The following ARHGEF7 variants were observed in gnomAD, a reference collection of about 807,000 sequenced individuals.
ARHGEF7 encodes PAK-interacting exchange factor beta.
Under a neutral mutation model 109.8 loss-of-function variants are expected in ARHGEF7, and 33 were observed. The observed-to-expected ratio is 0.30, with a 90% CI of 0.23 to 0.40. The LOEUF is 0.40. Ranked by LOEUF, ARHGEF7 falls within the 10% of genes least tolerant of loss-of-function variation. ARHGEF7 has a pLI of 1.00. For missense variants in ARHGEF7, 938 were observed against 1,098.5 expected, an observed-to-expected ratio of 0.85 and a Z score of 2.07; for synonymous variants, 458 against 424.6, an observed-to-expected ratio of 1.08 and a Z score of -0.97.
At chr13:111,193,584 A>G (rs1015073466) in intron 2 of ARHGEF7, among the ~76,000 whole-genome samples, 1 of 152,252 alleles carries the variant, frequency 6.6e-6, no homozygotes, top group Non-Finnish European at 1.5e-5. Context: ...CGTACTTGCT[A>G]TCTGTATACA....
intron 5 of ARHGEF7, among the ~76,000 whole-genome samples, chr13:111,221,376 T>G (rs1285628167): frequency 5.1e-5 from 2 of 39,298 alleles, no homozygotes; most frequent in African/African-American, 8.1e-5. Context: ...TATATATATA[T>G]CTATATATAT....
At position 111,272,571 on chromosome 13, in the gene ARHGEF7, G is replaced by C. The variant is rs961331374; in HGVS notation, c.1074-1243G>C. 3.3e-5 allele frequency among the ~76,000 whole-genome samples: 5 copies of C among 152,208 alleles called. No homozygotes were observed. The highest frequency in any genetic ancestry group is 1.2e-4 in the African/African-American group (5 of 41,462). ...AATTTGTTCCTAGGATTTGTGCCAT[G>C]GGTATCATTTGAACCAAGCTCTGCT... On this transcript the variant is annotated intron_variant, in intron 9 of 21. Transcript: ENST00000646102. This position sits in a 1 kb window ranked among gnomAD's most constrained non-coding sequence, Gnocchi z 5.2.
chr13:111,178,501 T>C (rs2078389783), intron 2 of ARHGEF7, among the ~76,000 whole-genome samples: 1 of 152,198 alleles, frequency 6.6e-6, no homozygotes, highest in Non-Finnish European at 1.5e-5. Context: ...CTCTTGCCCT[T>C]TAGGGAAGGT....
intron 5 of ARHGEF7, among the ~76,000 whole-genome samples, chr13:111,227,977 A>G (rs186917721): frequency 3.5e-4 from 54 of 152,338 alleles, no homozygotes; most frequent in Non-Finnish European, 5.1e-4. Flanking sequence ...CCCAGCATCC[A>G]TTCCCCAAAT....
intron 1 of ARHGEF7, among the ~76,000 whole-genome samples, chr13:111,130,487 T>G: frequency 6.6e-6 from 1 of 152,244 alleles, no homozygotes. Context: ...TATAGAATTT[T>G]AATGTGCAAT....
At chr13:111,173,842 G>A (rs1445148366) in intron 2 of ARHGEF7, among the ~76,000 whole-genome samples, 1 of 152,186 alleles carries the variant, frequency 6.6e-6, no homozygotes, top group Non-Finnish European at 1.5e-5. Flanking sequence ...AGGTGCGGGT[G>A]TCTGTAGAGG....
At chr13:111,129,851 T>C (rs1415268759) in intron 1 of ARHGEF7, among the ~76,000 whole-genome samples, 1 of 152,216 alleles carries the variant, frequency 6.6e-6, no homozygotes, top group Admixed American at 6.5e-5. Context: ...ATCTACCAAA[T>C]GTTTCAGCTA....
intron 19 of ARHGEF7, 107 bp from the exon 20 acceptor site, chr13:111,300,641 A>G: frequency 1.3e-6 from 1 of 752,398 alleles, no homozygotes. Flanking sequence ...TTAAATGCAT[A>G]ATTGCTAGAA....
At chr13:111,251,167 A>T (rs1473518728) in intron 8 of ARHGEF7, among the ~76,000 whole-genome samples, 1 of 152,096 alleles carries the variant, frequency 6.6e-6, no homozygotes, top group African/African-American at 2.4e-5. Context: ...GTTAGCATAG[A>T]CTCGGGTATG....
chr13:111,288,155 A>G (rs563716365), intron 17 of ARHGEF7, among the ~76,000 whole-genome samples, 199 bp from the exon 18 acceptor site: 1 of 152,250 alleles, frequency 6.6e-6, no homozygotes, highest in East Asian at 1.9e-4. Context: ...TGTTGCAAAT[A>G]TTTTTATTTG....
chr13:111,164,252 C>T (rs1171754275), intron 2 of ARHGEF7, among the ~76,000 whole-genome samples: 1 of 152,206 alleles, frequency 6.6e-6, no homozygotes, highest in Non-Finnish European at 1.5e-5. Context: ...TCAGAAGTCA[C>T]AGGTCCCGGC....
rs1319281112 is a variant in ARHGEF7 at position 111,272,441 on chromosome 13, C to G, written c.1074-1373C>G. Among the ~76,000 whole-genome samples, 1 of 152,160 alleles carries G rather than the reference C, an allele frequency of 6.6e-6. No individual in the cohort carries two copies. The highest frequency in any genetic ancestry group is 2.4e-5 in the African/African-American group (1 of 41,438). On this transcript the variant is annotated intron_variant, in intron 9 of 21. Transcript: ENST00000646102. The surrounding 1 kb of genome is among the most constrained non-coding windows in gnomAD (Gnocchi z 5.2). ...ACCAGAACCGGAAATTGGCTTGTTT[C>G]TCAGTTTTGCTGTTAGGATTTTCAT...
At chr13:111,151,728 A>G (rs188113756) in intron 1 of ARHGEF7, among the ~76,000 whole-genome samples, 24 of 152,344 alleles carry the variant, frequency 1.6e-4, no homozygotes, top group African/African-American at 5.3e-4. Context: ...AAGACACATC[A>G]CAGCCTTCTT....
In ARHGEF7 at chr13:111,280,539, G is replaced by A. The variant is rs761690314; in HGVS notation, c.1587G>A (p.Gly529=). Residue 529 remains glycine, a splice_region_variant and synonymous_variant, in exon 15 of 22, where the codon GGG becomes GGA. Coordinates refer to ENST00000646102, the MANE Select transcript of ARHGEF7 (RefSeq NM_001354046.2). ...CTATTTTTTCCTTCTCTCCTATAGG[G>A]AGCATGATTGAGCGGATATTAGTGT... ...ENHRNAFEIS[G]SMIERILVSC... is the part of the protein sequence containing the mutation. 4.4e-5 allele frequency: 70 copies of A among 1,603,552 alleles called. 1 individual carries two copies. The highest frequency in any genetic ancestry group is 5.6e-5 in the Non-Finnish European group (66 of 1,175,704).
intron 1 of ARHGEF7, among the ~76,000 whole-genome samples, chr13:111,148,740 G>T (rs1258901409): frequency 2.0e-5 from 3 of 152,200 alleles, no homozygotes; most frequent in Non-Finnish European, 4.4e-5. Flanking sequence ...AATATTGATG[G>T]TATTAAGAAG....
intron 2 of ARHGEF7, among the ~76,000 whole-genome samples, chr13:111,196,141 C>T (rs9522156): frequency 0.3 from 45,730 of 152,130 alleles, 7,797 homozygotes; most frequent in Non-Finnish European, 0.39. Flanking sequence ...GGATTTTCTT[C>T]CTTTCCCTGA....
intron 9 of ARHGEF7, among the ~76,000 whole-genome samples, chr13:111,269,640 G>A (rs935910752): frequency 1.3e-5 from 2 of 152,256 alleles, no homozygotes; most frequent in South Asian, 2.1e-4. Context: ...CAGCAGCCCC[G>A]GGGCAAGTCA....
chr13:111,129,134 G>A (rs2074607519), intron 1 of ARHGEF7, among the ~76,000 whole-genome samples: 1 of 152,168 alleles, frequency 6.6e-6, no homozygotes, highest in Non-Finnish European at 1.5e-5. Flanking sequence ...TTCAGTAAAT[G>A]ATACTGGAAC....
rs2087398254 is a variant in ARHGEF7 at position 111,239,525 on chromosome 13, C to T, written c.760-4347C>T. Among the ~76,000 whole-genome samples, 1 of 152,158 alleles carries T rather than the reference C, an allele frequency of 6.6e-6. No individual in the cohort carries two copies. The highest frequency in any genetic ancestry group is 1.5e-5 in the Non-Finnish European group (1 of 68,020). ...CATCCATCAGCAGTGACCCTAAACC[C>T]TGGCGTTGCTTCGTCTCTTCATCTT... is the stretch of plus-strand genomic sequence containing the variant. On this transcript the variant is annotated intron_variant, in intron 6 of 21. Transcript: ENST00000646102. The surrounding 1 kb of genome is among the most constrained non-coding windows in gnomAD (Gnocchi z 4.3).
Sources: gnomAD v4.1 joint callset for allele counts (sites outside exome capture counted in the v4.1 genomes callset) on GRCh38, gnomAD v4.1.1 for gene constraint, Gnocchi (gnomAD v3.1) non-coding constraint, MANE v1.5 for transcripts, NCBI Gene and HGNC (gene_info 2026-07-23, HGNC 2026-07-21) for gene names.